Variants in FGF13 observed in about 807,000 individuals in gnomAD.
FGF13 encodes the protein fibroblast growth factor 13.
In FGF13, 2 loss-of-function variants were observed where a neutral mutation model predicts 19.5. The ratio of observed to expected loss-of-function variants is 0.10; its 90% CI spans 0.04 to 0.32. The LOEUF (loss-of-function observed/expected upper bound fraction) is 0.32, where lower values mean the gene tolerates loss of function less well. Among genes scored for constraint, FGF13 ranks in the 10% least tolerant of loss-of-function variants. The probability of loss-of-function intolerance (pLI) is 1.00; values close to 1 mark genes in which losing one functional copy is unlikely to be tolerated. For synonymous variants in FGF13, 72 were observed against 76.9 expected, an observed-to-expected ratio of 0.94 and a Z score of 0.33; for missense variants, 113 against 192.7, an observed-to-expected ratio of 0.59 and a Z score of 2.45.
intron 1 of FGF13, among the ~76,000 whole-genome samples, chrX:138,896,268 G>A (rs1017362114): frequency 7.2e-5 from 8 of 110,881 alleles, no homozygotes; most frequent in South Asian, 3.8e-4. Context: ...ATCTCAAAAC[G>A]TCACATTGTA....
intron 3 of FGF13, among the ~76,000 whole-genome samples, chrX:138,678,449 C>A (rs184697154): frequency 3.5e-4 from 39 of 111,832 alleles, no homozygotes; most frequent in Admixed American, 8.5e-4. Flanking sequence ...GTTAGATTCA[C>A]GCATGCCAAT....
intron 1 of FGF13, among the ~76,000 whole-genome samples, chrX:139,166,107 G>T (rs1343254704): frequency 9.0e-6 from 1 of 111,236 alleles, no homozygotes; most frequent in Non-Finnish European, 1.9e-5. Flanking sequence ...CATGAGATTT[G>T]GTAGGGGAAG....
chrX:139,122,082 T>C (rs1271607674), intron 1 of FGF13, among the ~76,000 whole-genome samples: 3 of 111,334 alleles, frequency 2.7e-5, no homozygotes, highest in African/African-American at 9.8e-5. Context: ...GTATAGGCTT[T>C]GTATTGCTTG....
chrX:138,844,685 C>A (rs764120170), intron 3 of FGF13, among the ~76,000 whole-genome samples: 1 of 111,455 alleles, frequency 9.0e-6, no homozygotes. Flanking sequence ...TTTTGGTTTT[C>A]CTTCTTTTTC....
At position 138,632,087 on chromosome X, in the gene FGF13, A is replaced by C. The variant is rs2089122841; in HGVS notation, c.*763T>G. On this transcript the variant is annotated 3_prime_UTR_variant, in exon 5 of 5. Transcript: ENST00000315930. ...TCTACACTTGAGGATAATTTTTTGA[A>C]GTTCTCTTTACTGACTGGGGTTGAC... The C allele has an allele frequency of 9.0e-6, 1 of 111,156 alleles. No homozygotes were observed. Among genetic ancestry groups the C allele is most frequent in the Non-Finnish European group, 1.9e-5 (1 of 52,931 alleles). 9.2% of individuals were successfully genotyped at this position (111,156 alleles called of 1,213,427 possible). A position where few individuals can be genotyped will look rare whatever the true frequency, so the allele number is the denominator to read the frequency against.
At chrX:138,766,779 C>T (rs2090505522) in intron 3 of FGF13, among the ~76,000 whole-genome samples, 1 of 112,103 alleles carries the variant, frequency 8.9e-6, no homozygotes. Context: ...CTTCTCACCA[C>T]TCCTCATGTT....
At chrX:139,124,511 T>C (rs1037395582) in intron 1 of FGF13, among the ~76,000 whole-genome samples, 1 of 111,516 alleles carries the variant, frequency 9.0e-6, no homozygotes, top group Non-Finnish European at 1.9e-5. Flanking sequence ...ATACCCGCCT[T>C]GCAACACAGG....
chrX:139,068,335 A>T (rs2092364180), intron 1 of FGF13, among the ~76,000 whole-genome samples: 1 of 102,964 alleles, frequency 9.7e-6, no homozygotes, highest in African/African-American at 3.9e-5. Context: ...GTTCTGTTCC[A>T]TGGATCTATA....
upstream of FGF13, among the ~76,000 whole-genome samples, chrX:139,204,736 T>TTC (rs1443428881): frequency 8.8e-6 from 1 of 113,398 alleles, no homozygotes; most frequent in Non-Finnish European, 1.9e-5. Flanking sequence ...TTTGAACATG[T>TTC]GATGAGCAAC....
At chrX:139,017,339 GTA>G (rs34651307) in intron 1 of FGF13, among the ~76,000 whole-genome samples, 8 of 100,220 alleles carry the variant, frequency 8.0e-5, no homozygotes, top group Non-Finnish European at 1.2e-4. Flanking sequence ...ATACATGTAT[GTA>G]TATATATATA....
intron 1 of FGF13, among the ~76,000 whole-genome samples, chrX:138,978,805 G>A (rs1473396584): frequency 8.9e-6 from 1 of 111,971 alleles, no homozygotes; most frequent in Non-Finnish European, 1.9e-5. Flanking sequence ...GAGGCAGTTT[G>A]ACCAAATTAC....
At chrX:139,137,232 G>A (rs1036717012) in intron 1 of FGF13, among the ~76,000 whole-genome samples, 3 of 111,988 alleles carry the variant, frequency 2.7e-5, no homozygotes, top group Non-Finnish European at 3.8e-5. Context: ...TAGATCTCAC[G>A]CCTTTTACAC....
intron 1 of FGF13, among the ~76,000 whole-genome samples, chrX:138,737,837 A>T (rs2090290267): frequency 1.8e-5 from 2 of 112,321 alleles, no homozygotes; most frequent in African/African-American, 6.5e-5. Context: ...TTTAATGATG[A>T]TTATAAGCTG....
intron 1 of FGF13, among the ~76,000 whole-genome samples, chrX:138,983,916 T>C (rs1048691205): frequency 9.0e-6 from 1 of 111,014 alleles, no homozygotes; most frequent in African/African-American, 3.3e-5. Context: ...ATTTTGCCTA[T>C]AGTTATACGA....
chrX:138,988,618 A>G (rs2092002853), intron 1 of FGF13, among the ~76,000 whole-genome samples: 2 of 112,433 alleles, frequency 1.8e-5, no homozygotes, highest in Admixed American at 1.9e-4. Flanking sequence ...GCATTAGTAT[A>G]TATGATTGCA....
At chrX:139,129,885 G>A (rs1361880306) in intron 1 of FGF13, among the ~76,000 whole-genome samples, 4 of 111,610 alleles carry the variant, frequency 3.6e-5, no homozygotes, top group Non-Finnish European at 7.5e-5. Flanking sequence ...CCACCTTATC[G>A]ATTCTCTGAC....
At chrX:139,029,620 G>C (rs747859484) in intron 1 of FGF13, among the ~76,000 whole-genome samples, 3 of 111,540 alleles carry the variant, frequency 2.7e-5, no homozygotes, top group Admixed American at 9.5e-5. Flanking sequence ...AATCTGCCTG[G>C]TGTCAATTTA....
chrX:138,776,304 AC>A, intron 3 of FGF13, among the ~76,000 whole-genome samples: 1 of 112,700 alleles, frequency 8.9e-6, no homozygotes, highest in South Asian at 3.7e-4. Context: ...AATGTTATAT[AC>A]CAGGCAGTTT....
intron 1 of FGF13, among the ~76,000 whole-genome samples, chrX:139,173,545 G>A (rs762420227): frequency 5.4e-4 from 59 of 109,954 alleles, no homozygotes; most frequent in Non-Finnish European, 9.1e-4. Context: ...AATGCTATCC[G>A]TCCCCTAGTC....
Sources: gnomAD v4.1 joint callset for allele counts (sites outside exome capture counted in the v4.1 genomes callset) on GRCh38, gnomAD v4.1.1 for gene constraint, MANE v1.5 for transcripts, NCBI Gene and HGNC (gene_info 2026-07-23, HGNC 2026-07-21) for gene names.